Variants in TBC1D8 observed in about 807,000 individuals in gnomAD.
TBC1D8 encodes BUB2-like protein 1.
In TBC1D8, 65 loss-of-function variants were observed where a neutral mutation model predicts 118.8. That is an observed-to-expected ratio of 0.55 (90% CI 0.45 to 0.67). The LOEUF (loss-of-function observed/expected upper bound fraction) is 0.67, where lower values mean the gene tolerates loss of function less well. Ranked by LOEUF, TBC1D8 falls within the 30% of genes least tolerant of loss-of-function variation. The pLI, the probability that TBC1D8 is intolerant of heterozygous loss-of-function variation, is 0.00. For missense variants in TBC1D8, 1,376 were observed against 1,471.2 expected (o/e 0.94, Z 1.06); for synonymous variants, 566 against 595.8 (o/e 0.95, Z 0.73).
rs1221011905 is a variant in TBC1D8 at position 101,037,667 on chromosome 2, G to A, written c.1317C>T (p.His439=). 6 of 1,613,744 alleles carry A rather than the reference G, an allele frequency of 3.7e-6. No homozygotes were observed. Among genetic ancestry groups the A allele is most frequent in the Non-Finnish European group, 5.1e-6 (6 of 1,179,902 alleles). ...ACATCATTTCAAGATCCCCAAATCTGTGGTCACTGCACATGCTTGTTGAAT... is the reference window on the plus strand; with the variant it reads ...ACATCATTTCAAGATCCCCAAATCTATGGTCACTGCACATGCTTGTTGAAT... ...VFHSTSMCSD[H]RFGDLEMMSS... is the part of the protein sequence containing the mutation. Residue 439 remains histidine (H), a synonymous_variant, in exon 8 of 20, where the codon CAC becomes CAT. Transcript: ENST00000409318.
At chr2:101,073,305 T>A (rs1674591224) in intron 2 of TBC1D8, among the ~76,000 whole-genome samples, 2 of 150,572 alleles carry the variant, frequency 1.3e-5, no homozygotes, top group African/African-American at 4.9e-5. Context: ...TATTTATTTT[T>A]TTTTTTGGAG....
Position 101,036,144 on chromosome 2 carries a change from G to T in TBC1D8, c.1477C>A (p.Leu493Met). 1 of 1,613,890 alleles carries T rather than the reference G, an allele frequency of 6.2e-7. No individual in the cohort carries two copies. The highest frequency in any genetic ancestry group is 8.5e-7 in the Non-Finnish European group (1 of 1,179,826). ...RMSREQIKIS[L>M]WNDHFVEYGR... ...TATTCCACAAAGTGGTCATTCCACAGGCTTATTTTTATCTGTTCTCTGGAC... is the reference window on the plus strand; with the variant it reads ...TATTCCACAAAGTGGTCATTCCACATGCTTATTTTTATCTGTTCTCTGGAC... Residue 493 changes from leucine (L) to methionine (M), a missense_variant, in exon 9 of 20, where the codon CTG (leucine) becomes ATG (methionine). Coordinates refer to ENST00000409318, the MANE Select transcript of TBC1D8 (RefSeq NM_001330348.2).
At position 101,057,657 on chromosome 2, in the gene TBC1D8, C is replaced by A. The variant is rs146777188; in HGVS notation, c.402+1764G>T. Among the ~76,000 whole-genome samples the A allele has an allele frequency of 2.0e-5, 3 of 152,252 alleles. No individual in the cohort carries two copies. The East Asian group carries it at 5.8e-4, about 29-fold the overall frequency. On this transcript the variant is annotated intron_variant, in intron 3 of 19. Coordinates refer to ENST00000409318, the MANE Select transcript of TBC1D8 (RefSeq NM_001330348.2). Reference sequence around the variant, plus strand: ...TGGGCAACATAATGAGACTTCGTCTCTACAAAAAATAAAAACATTAGCCAG... The same window carrying A: ...TGGGCAACATAATGAGACTTCGTCTATACAAAAAATAAAAACATTAGCCAG...
intron 19 of TBC1D8, among the ~76,000 whole-genome samples, chr2:101,008,707 G>A (rs1678940978): frequency 6.6e-6 from 1 of 152,110 alleles, no homozygotes; most frequent in South Asian, 2.1e-4. Context: ...AGCTACTTGG[G>A]AGGCTGAGGC....
At chr2:101,138,082 G>A (rs1678935419) in intron 1 of TBC1D8, among the ~76,000 whole-genome samples, 1 of 152,192 alleles carries the variant, frequency 6.6e-6, no homozygotes, top group Non-Finnish European at 1.5e-5. Context: ...GAGGAAGAGG[G>A]AGAGGGGGAA....
intron 1 of TBC1D8, among the ~76,000 whole-genome samples, chr2:101,107,583 T>G (rs140285206): frequency 1.1e-3 from 170 of 152,282 alleles, no homozygotes; most frequent in African/African-American, 3.9e-3. Flanking sequence ...CCTTGCTCTA[T>G]CAGGAAAAAA....
At chr2:101,030,791 T>C (rs1680625072) in intron 11 of TBC1D8, among the ~76,000 whole-genome samples, 1 of 152,240 alleles carries the variant, frequency 6.6e-6, no homozygotes, top group South Asian at 2.1e-4. Context: ...AGTGAAATCC[T>C]ACTCAGCAAC....
In TBC1D8 at chr2:101,140,474, A is replaced by T. The variant is rs187906838; in HGVS notation, c.127+10653T>A. ...GGAAAATCACGGCCCCTGGGCAATG[A>T]GGGGACACAGCTTCAATGACTTCCT... On this transcript the variant is annotated intron_variant, in intron 1 of 19. Transcript: ENST00000409318. 1.6e-4 allele frequency among the ~76,000 whole-genome samples: 25 copies of T among 152,254 alleles called. 1 individual carries two copies. The highest frequency in any genetic ancestry group is 1.1e-3 in the Admixed American group (17 of 15,272).
At chr2:101,073,292 TTTTA>T (rs1394454725) in intron 2 of TBC1D8, among the ~76,000 whole-genome samples, 2 of 138,014 alleles carry the variant, frequency 1.4e-5, no homozygotes, top group Non-Finnish European at 3.1e-5. Flanking sequence ...TTTTATTTTA[TTTTA>T]TTTATTTTTT....
intron 1 of TBC1D8, among the ~76,000 whole-genome samples, chr2:101,132,757 T>A (rs1678650568): frequency 6.6e-6 from 1 of 151,862 alleles, no homozygotes; most frequent in Non-Finnish European, 1.5e-5. Context: ...CCCGGCTAAC[T>A]TATTTTTTGT....
intron 2 of TBC1D8, among the ~76,000 whole-genome samples, chr2:101,063,906 T>G (rs939475112): frequency 9.2e-5 from 14 of 151,858 alleles, no homozygotes; most frequent in Admixed American, 5.2e-4. Context: ...AGCCACTGCA[T>G]TATAGACATA....
At chr2:101,117,945 T>C (rs1481217283) in intron 1 of TBC1D8, among the ~76,000 whole-genome samples, 3 of 124,498 alleles carry the variant, frequency 2.4e-5, no homozygotes, top group African/African-American at 9.2e-5. Context: ...CAGAAGGGGG[T>C]GGGAGGACGG....
chr2:101,135,121 G>A (rs1321969985), intron 1 of TBC1D8, among the ~76,000 whole-genome samples: 1 of 152,120 alleles, frequency 6.6e-6, no homozygotes, highest in Non-Finnish European at 1.5e-5. Context: ...GCAGTGAGCC[G>A]AGATCGCGCC....
chr2:101,081,437 T>C (rs1202156215), intron 2 of TBC1D8, among the ~76,000 whole-genome samples: 2 of 152,224 alleles, frequency 1.3e-5, no homozygotes, highest in Non-Finnish European at 2.9e-5. Context: ...TAAGCTACCA[T>C]AAACAGAGCC....
intron 2 of TBC1D8, among the ~76,000 whole-genome samples, chr2:101,082,234 A>G (rs1158330745): frequency 6.6e-6 from 1 of 152,230 alleles, no homozygotes; most frequent in Non-Finnish European, 1.5e-5. Context: ...GACATCTCAC[A>G]TAGGAACATG....
chr2:101,040,405 G>GT lies in TBC1D8; in HGVS notation c.873-21_873-20insA. ...AGGTCCCTGGGGAAGGACAGGGAGA[G>GT]AAGAAGAAGAGATAGGAAAGGTGAA... On this transcript the variant is annotated intron_variant, in intron 5 of 19. Transcript: ENST00000409318. 1 of 1,569,538 alleles carries GT rather than the reference G, an allele frequency of 6.4e-7. No homozygotes were observed.
intron 1 of TBC1D8, among the ~76,000 whole-genome samples, chr2:101,112,366 G>A (rs554632911): frequency 3.9e-5 from 6 of 152,316 alleles, no homozygotes; most frequent in African/African-American, 1.2e-4. Context: ...GTGGTCTCCT[G>A]CCATGATGGT....
chr2:101,027,552 C>A lies in TBC1D8; in HGVS notation c.2452-101G>T, dbSNP rs953801837. ...TCCTCCTGAAGGGGACACAAGGAGC[C>A]CATGCACCAGCTTCTCTCCCACAAA... On this transcript the variant is annotated intron_variant, in intron 14 of 19. Coordinates refer to ENST00000409318, the MANE Select transcript of TBC1D8 (RefSeq NM_001330348.2). 10 of 992,940 alleles carry A rather than the reference C, an allele frequency of 1.0e-5. No homozygotes were observed. The Admixed American group carries it at 1.9e-4, about 19-fold the overall frequency. 61.5% of individuals were successfully genotyped at this position (992,940 alleles called of 1,614,324 possible).
At chr2:101,101,851 C>CA (rs1676857933) in intron 1 of TBC1D8, among the ~76,000 whole-genome samples, 1 of 151,938 alleles carries the variant, frequency 6.6e-6, no homozygotes, top group African/African-American at 2.4e-5. Context: ...GCAATGAGAA[C>CA]ACATGGACAC....
Sources: allele counts gnomAD v4.1 joint callset (sites outside exome capture counted in the v4.1 genomes callset), GRCh38; gene constraint gnomAD v4.1.1; transcripts MANE v1.5; gene names NCBI Gene and HGNC (gene_info 2026-07-23, HGNC 2026-07-21).